The following ERBB4 variants were observed in gnomAD, a reference collection of about 807,000 sequenced individuals.
The protein encoded by ERBB4 is erb-b2 receptor tyrosine kinase 4, also known as receptor tyrosine-protein kinase erbB-4.
A neutral mutation model predicts 158.0 loss-of-function variants in ERBB4; 42 were observed. The observed-to-expected ratio is 0.27, with a 90% CI of 0.21 to 0.34. The LOEUF (loss-of-function observed/expected upper bound fraction) is 0.34. Among genes scored for constraint, ERBB4 ranks in the 10% least tolerant of loss-of-function variants. The probability of loss-of-function intolerance (pLI) is 1.00; values close to 1 mark genes in which losing one functional copy is unlikely to be tolerated. For synonymous variants in ERBB4, 583 were observed against 558.7 expected (o/e 1.04, Z -0.61); for missense variants, 1,333 against 1,624.1 (o/e 0.82, Z 3.08).
At chr2:212,086,418 A>T (rs532004081) in intron 2 of ERBB4, among the ~76,000 whole-genome samples, 2 of 151,864 alleles carry the variant, frequency 1.3e-5, no homozygotes, top group Admixed American at 6.6e-5. Flanking sequence ...TTTAAATCGC[A>T]CTAAGGCCTT....
At chr2:211,758,917 CTG>C (rs2075345502) in intron 4 of ERBB4, among the ~76,000 whole-genome samples, 1 of 152,204 alleles carries the variant, frequency 6.6e-6, no homozygotes, top group Non-Finnish European at 1.5e-5. Flanking sequence ...AGTCTAGACT[CTG>C]TGATATGCAA....
intron 1 of ERBB4, among the ~76,000 whole-genome samples, chr2:212,318,321 T>TA (rs2087389048): frequency 6.6e-6 from 1 of 151,598 alleles, no homozygotes. Context: ...ATAATTACTG[T>TA]TGTAATCAGC....
intron 20 of ERBB4, among the ~76,000 whole-genome samples, chr2:211,519,988 C>G (rs983099421): frequency 2.6e-5 from 4 of 152,160 alleles, no homozygotes; most frequent in Non-Finnish European, 4.4e-5. Flanking sequence ...AGTGATACCT[C>G]TTCCATGTGA....
At chr2:211,771,800 G>T (rs553327948) in intron 4 of ERBB4, among the ~76,000 whole-genome samples, 13 of 152,032 alleles carry the variant, frequency 8.6e-5, no homozygotes, top group Non-Finnish European at 1.0e-4. Context: ...TGAGGTGCTG[G>T]CCGAATCTCT....
At chr2:212,384,740 A>C (rs1434884646) in intron 1 of ERBB4, among the ~76,000 whole-genome samples, 1 of 151,342 alleles carries the variant, frequency 6.6e-6, no homozygotes, top group Non-Finnish European at 1.5e-5. Flanking sequence ...TTTCCACCTA[A>C]AGTTAGTTTT....
intron 3 of ERBB4, among the ~76,000 whole-genome samples, chr2:211,874,511 A>G (rs780492819): frequency 2.0e-5 from 3 of 152,170 alleles, no homozygotes; most frequent in Non-Finnish European, 2.9e-5. Flanking sequence ...GGTGAAGGTA[A>G]TATCTCCTTT....
At chr2:212,034,108 C>T (rs1486994115) in intron 2 of ERBB4, among the ~76,000 whole-genome samples, 2 of 151,704 alleles carry the variant, frequency 1.3e-5, no homozygotes, top group Non-Finnish European at 3.0e-5. Context: ...GTATACTTCC[C>T]ACTGGTTGTA....
intron 1 of ERBB4, among the ~76,000 whole-genome samples, chr2:212,258,749 T>C (rs2084830757): frequency 6.6e-6 from 1 of 151,778 alleles, no homozygotes; most frequent in Non-Finnish European, 1.5e-5. Flanking sequence ...GTTCAAATAA[T>C]AGTACAACCT....
intron 1 of ERBB4, among the ~76,000 whole-genome samples, chr2:212,534,835 T>C (rs559838587): frequency 6.6e-5 from 10 of 152,264 alleles, no homozygotes; most frequent in African/African-American, 2.4e-4. Flanking sequence ...AAATACGATT[T>C]TCCATCAAAT....
At chr2:212,437,033 C>T (rs2092152667) in intron 1 of ERBB4, among the ~76,000 whole-genome samples, 1 of 151,902 alleles carries the variant, frequency 6.6e-6, no homozygotes, top group Admixed American at 6.6e-5. Context: ...ATGTAAACGC[C>T]AAAGACTGGT....
intron 1 of ERBB4, among the ~76,000 whole-genome samples, chr2:212,389,891 C>T (rs912811968): frequency 4.6e-5 from 7 of 151,430 alleles, no homozygotes; most frequent in Non-Finnish European, 1.0e-4. Context: ...GGTATAATAA[C>T]TCATGTGCAG....
In ERBB4 at chr2:212,162,114, A is replaced by G. The variant is rs573075740; in HGVS notation, c.83-37211T>C. Among the ~76,000 whole-genome samples, 8 of 152,022 alleles carry G rather than the reference A, an allele frequency of 5.3e-5. No homozygotes were observed. In the South Asian group the frequency reaches 1.7e-3, roughly 32 times the overall value. Reference sequence around the variant, plus strand: ...GTATTTACTCAAGAAAGTGAAACCTATGTACACAAAAGACATATGCAACAA... The same window carrying G: ...GTATTTACTCAAGAAAGTGAAACCTGTGTACACAAAAGACATATGCAACAA... On this transcript the variant is annotated intron_variant, in intron 1 of 27. Coordinates refer to ENST00000342788, the MANE Select transcript of ERBB4 (RefSeq NM_005235.3).
At chr2:211,634,126 T>C (rs887175814) in intron 16 of ERBB4, among the ~76,000 whole-genome samples, 1 of 152,206 alleles carries the variant, frequency 6.6e-6, no homozygotes, top group Non-Finnish European at 1.5e-5. Context: ...TTTTTTATGA[T>C]CCATTTATAT....
chr2:211,772,191 G>A (rs950631345), intron 4 of ERBB4, among the ~76,000 whole-genome samples: 2 of 152,124 alleles, frequency 1.3e-5, no homozygotes, highest in African/African-American at 4.8e-5. Flanking sequence ...ATGGGAAGAC[G>A]TTAGAAATAT....
At chr2:211,661,451 C>T (rs1460370275) in intron 15 of ERBB4, among the ~76,000 whole-genome samples, 1 of 152,048 alleles carries the variant, frequency 6.6e-6, no homozygotes, top group Non-Finnish European at 1.5e-5. Flanking sequence ...AAAAATAAAA[C>T]ACATGTCTAA....
chr2:212,085,251 T>C (rs981977823), intron 2 of ERBB4, among the ~76,000 whole-genome samples: 3 of 151,920 alleles, frequency 2.0e-5, no homozygotes, highest in Admixed American at 6.6e-5. Context: ...TTAAAAAATA[T>C]CAAATAATAT....
At chr2:212,537,370 C>T (rs2106361621) in intron 1 of ERBB4, among the ~76,000 whole-genome samples, 1 of 152,262 alleles carries the variant, frequency 6.6e-6, no homozygotes, top group East Asian at 1.9e-4. Context: ...TCAGACCTCT[C>T]CCGTCCCACT....
chr2:211,500,896 G>A (rs998797401), intron 20 of ERBB4, among the ~76,000 whole-genome samples: 2 of 152,026 alleles, frequency 1.3e-5, no homozygotes, highest in East Asian at 3.9e-4. Context: ...TGAAATTAAA[G>A]GTTGTGACTG....
chr2:212,231,851 A>G (rs957188975), intron 1 of ERBB4, among the ~76,000 whole-genome samples: 2 of 152,140 alleles, frequency 1.3e-5, no homozygotes, highest in Non-Finnish European at 2.9e-5. Flanking sequence ...CTTTTTCTTC[A>G]TTATTTATTT....
Sources: allele counts gnomAD v4.1 joint callset (sites outside exome capture counted in the v4.1 genomes callset), GRCh38; gene constraint gnomAD v4.1.1; transcripts MANE v1.5; gene names NCBI Gene and HGNC (gene_info 2026-07-23, HGNC 2026-07-21).